Variants in AAK1 observed in about 807,000 individuals in gnomAD.
The protein encoded by AAK1 is AP2-associated protein kinase 1.
Under a neutral mutation model 116.0 loss-of-function variants are expected in AAK1, and 37 were observed. The ratio of observed to expected loss-of-function variants is 0.32; its 90% CI spans 0.25 to 0.42. The LOEUF (loss-of-function observed/expected upper bound fraction) is 0.42, where lower values mean the gene tolerates loss of function less well. Among genes scored for constraint, AAK1 ranks in the 10% least tolerant of loss-of-function variants. The pLI is 1.00. For missense variants in AAK1, 919 were observed against 1,170.6 expected (o/e 0.79, Z 3.14); for synonymous variants, 458 against 439.9 (o/e 1.04, Z -0.51).
At chr2:69,500,698 T>TATACACACACACACACAC in intron 16 of AAK1, among the ~76,000 whole-genome samples, 2 of 65,102 alleles carry the variant, frequency 3.1e-5, no homozygotes, top group Admixed American at 2.1e-4. Flanking sequence ...TATATATATA[T>TATACACACACACACACAC]ACACACACAC....
chr2:69,609,892 T>C (rs1325496588), intron 2 of AAK1, among the ~76,000 whole-genome samples: 1 of 150,560 alleles, frequency 6.6e-6, no homozygotes, highest in Non-Finnish European at 1.5e-5. Context: ...TACTAAAAAA[T>C]ACAAAAAATT....
chr2:69,643,442 G>A, intron 1 of AAK1, 133 bp downstream of exon 1: 2 of 1,189,506 alleles, frequency 1.7e-6, no homozygotes, highest in Non-Finnish European at 2.1e-6. Flanking sequence ...CAGAACCCGG[G>A]ACCCCCGAGC....
chr2:69,519,079 G>C lies in AAK1; in HGVS notation c.1372C>G (p.Gln458Glu), dbSNP rs1669623951. 1 of 1,551,630 alleles carries C rather than the reference G, an allele frequency of 6.4e-7. No homozygotes were observed. Among genetic ancestry groups the C allele is most frequent in the African/African-American group, 1.4e-5 (1 of 73,056 alleles). ...TQAQGLPAQAQATPQHQQQLF... is the reference protein window; with the variant it reads ...TQAQGLPAQAEATPQHQQQLF... Reference sequence around the variant, plus strand: ...TGCTGCTGGTGCTGGGGTGTGGCCTGGGCCTGAGCGGGCAGACCCTGGGCC... The same window carrying C: ...TGCTGCTGGTGCTGGGGTGTGGCCTCGGCCTGAGCGGGCAGACCCTGGGCC... The change falls in exon 12 of 22, where the codon CAG becomes GAG. Residue 458 changes from glutamine to glutamate, a missense_variant. Around this residue, in one of 4 missense-constraint regions of AAK1, gnomAD observed 214 missense variants for 210.6 expected, o/e 1.02. Coordinates refer to ENST00000409085, the MANE Select transcript of AAK1 (RefSeq NM_014911.5).
At chr2:69,529,545 C>G (rs1028749372) in intron 8 of AAK1, among the ~76,000 whole-genome samples, 1 of 152,022 alleles carries the variant, frequency 6.6e-6, no homozygotes, top group African/African-American at 2.4e-5. Flanking sequence ...TATCAAAATC[C>G]AGTGATTAAC....
At chr2:69,630,781 A>G (rs1293368515) in intron 2 of AAK1, among the ~76,000 whole-genome samples, 3 of 152,122 alleles carry the variant, frequency 2.0e-5, no homozygotes, top group African/African-American at 7.2e-5. Flanking sequence ...TCCAGGGGGG[A>G]AGGGGAGGAA....
intron 9 of AAK1, among the ~76,000 whole-genome samples, chr2:69,526,013 G>A (rs534027963): frequency 5.3e-5 from 8 of 152,262 alleles, no homozygotes; most frequent in Admixed American, 2.0e-4. Flanking sequence ...CCAGGTGGGG[G>A]GAGATTTTCT....
At chr2:69,621,479 CAA>C (rs775520661) in intron 2 of AAK1, among the ~76,000 whole-genome samples, 5 of 139,194 alleles carry the variant, frequency 3.6e-5, no homozygotes, top group African/African-American at 5.3e-5. Flanking sequence ...AAAACTCCAC[CAA>C]AAAAAAAAAG....
intron 2 of AAK1, among the ~76,000 whole-genome samples, chr2:69,600,964 C>A (rs1490070104): frequency 1.3e-5 from 2 of 152,204 alleles, no homozygotes; most frequent in Non-Finnish European, 2.9e-5. Context: ...GATTATGACT[C>A]ACTGAAGGCT....
At chr2:69,609,164 C>T (rs1175700522) in intron 2 of AAK1, among the ~76,000 whole-genome samples, 1 of 152,082 alleles carries the variant, frequency 6.6e-6, no homozygotes. Flanking sequence ...GAGTTCAAGG[C>T]CAGCCTGGCC....
intron 3 of AAK1, among the ~76,000 whole-genome samples, chr2:69,545,891 T>C (rs1670904093): frequency 6.6e-6 from 1 of 152,098 alleles, no homozygotes; most frequent in Non-Finnish European, 1.5e-5. Flanking sequence ...GTCTACAGAT[T>C]ACTCTTGCAG....
In AAK1 at chr2:69,514,608, G is replaced by A; in HGVS notation, c.1639C>T (p.Leu547=). 6.3e-7 allele frequency: 1 copy of A among 1,587,330 alleles called. No individual in the cohort carries two copies. The highest frequency in any genetic ancestry group is 8.6e-7 in the Non-Finnish European group (1 of 1,167,648). Residue 547 remains leucine (L), a synonymous_variant, in exon 13 of 22, where the codon CTG becomes TTG. Coordinates refer to ENST00000409085, the MANE Select transcript of AAK1 (RefSeq NM_014911.5). ...QQQQQQQQQQ[L]ATALHQQQLM... Reference sequence around the variant, plus strand: ...TGTTGTTGATGCAGGGCTGTGGCCAGCTGTTGCTGTTGCTGTTGTTGTTGC... The same window carrying A: ...TGTTGTTGATGCAGGGCTGTGGCCAACTGTTGCTGTTGCTGTTGTTGTTGC...
intron 2 of AAK1, among the ~76,000 whole-genome samples, chr2:69,583,147 T>G (rs1558979268): frequency 6.6e-6 from 1 of 152,238 alleles, no homozygotes; most frequent in Non-Finnish European, 1.5e-5. Context: ...TCAGTTTCCT[T>G]ATTTATAAAG....
Position 69,466,231 on chromosome 2 carries a change from C to T in AAK1, c.*9638G>A, listed in dbSNP as rs1445914873. On this transcript the variant is annotated 3_prime_UTR_variant, in exon 22 of 22. Transcript: ENST00000409085. ...TGCTCAGGAGAGACTTCTGGTGGAG[C>T]GAATGGAACGGCTCCTCCCAGCTTC... 6 of 1,289,622 alleles carry T rather than the reference C, an allele frequency of 4.7e-6. No individual in the cohort carries two copies. Among genetic ancestry groups the T allele is most frequent in the Middle Eastern group, 2.1e-4 (1 of 4,718 alleles). 79.9% of individuals were successfully genotyped at this position (1,289,622 alleles called of 1,614,324 possible).
chr2:69,578,573 C>A (rs1672409797), intron 2 of AAK1, among the ~76,000 whole-genome samples: 1 of 152,124 alleles, frequency 6.6e-6, no homozygotes, highest in Admixed American at 6.5e-5. Context: ...TCCACCACCC[C>A]AATCTACCAA....
chr2:69,628,765 G>T (rs1039872475), intron 2 of AAK1, among the ~76,000 whole-genome samples: 6 of 152,036 alleles, frequency 3.9e-5, no homozygotes, highest in African/African-American at 4.8e-5. Context: ...TTTTTTCAAG[G>T]AAATTCTCAT....
chr2:69,490,601 T>C (rs1220614158), intron 17 of AAK1, among the ~76,000 whole-genome samples: 1 of 151,828 alleles, frequency 6.6e-6, no homozygotes, highest in Non-Finnish European at 1.5e-5. Context: ...ATTCGGTTCC[T>C]AGAGTAGTAA....
intron 2 of AAK1, among the ~76,000 whole-genome samples, chr2:69,616,105 T>A (rs1024235321): frequency 6.6e-6 from 1 of 152,184 alleles, no homozygotes; most frequent in Non-Finnish European, 1.5e-5. Flanking sequence ...ACTTTCCTTT[T>A]CGGGCGATGA....
chr2:69,619,866 AGAG>A (rs1168797461), intron 2 of AAK1, among the ~76,000 whole-genome samples: 2 of 152,236 alleles, frequency 1.3e-5, no homozygotes, highest in Admixed American at 6.5e-5. Context: ...AGCAATAACC[AGAG>A]GAGAAGAGTA....
At chr2:69,575,670 A>G (rs1044903206) in intron 2 of AAK1, among the ~76,000 whole-genome samples, 1 of 152,076 alleles carries the variant, frequency 6.6e-6, no homozygotes, top group African/African-American at 2.4e-5. Flanking sequence ...ATTTGGCTAC[A>G]CTGGCCAGGC....
Sources: allele counts gnomAD v4.1 joint callset (sites outside exome capture counted in the v4.1 genomes callset), GRCh38; gene constraint gnomAD v4.1.1; regional missense constraint gnomAD v4.1.1; transcripts MANE v1.5; gene names NCBI Gene and HGNC (gene_info 2026-07-23, HGNC 2026-07-21).